The following RCC2 variants were observed in gnomAD, a reference collection of about 807,000 sequenced individuals.
The protein encoded by RCC2 is regulator of chromosome condensation 2, also known as protein RCC2.
RCC2 carries 19 observed loss-of-function variants against 64.1 expected under a neutral mutation model. That is an observed-to-expected ratio of 0.30 (90% CI 0.21 to 0.44). The LOEUF is 0.44. Ranked by LOEUF, RCC2 falls within the 20% of genes least tolerant of loss-of-function variation. The pLI is 1.00. For missense variants in RCC2, 508 were observed against 710.4 expected, an observed-to-expected ratio of 0.72 and a Z score of 3.24; for synonymous variants, 325 against 279.6, an observed-to-expected ratio of 1.16 and a Z score of -1.62.
At chr1:17,419,302 T>C (rs1290771031) in intron 7 of RCC2, among the ~76,000 whole-genome samples, 4 of 152,132 alleles carry the variant, frequency 2.6e-5, no homozygotes, top group East Asian at 1.9e-4. Context: ...GAGGTTGCAG[T>C]GAACTGAGAT....
intron 7 of RCC2, among the ~76,000 whole-genome samples, chr1:17,419,695 T>C (rs2075529696): frequency 6.6e-6 from 1 of 152,182 alleles, no homozygotes; most frequent in Admixed American, 6.5e-5. Flanking sequence ...CAGCATGTCA[T>C]GCTTCCTGAC....
Position 17,438,236 on chromosome 1 carries a change from C to T in RCC2, c.279G>A (p.Glu93=). 2 of 1,315,392 alleles carry T rather than the reference C, an allele frequency of 1.5e-6. No individual in the cohort carries two copies. Among genetic ancestry groups the T allele is most frequent in the Non-Finnish European group, 2.0e-6 (2 of 1,013,848 alleles). The allele number at this position is 1,315,392 out of a possible 1,614,324, so 81.5% of individuals were successfully genotyped here. Residue 93 remains glutamate (E), a synonymous_variant, in exon 2 of 13, where the codon GAG becomes GAA. Transcript: ENST00000375436. The part of the protein sequence containing the change: ...VVITEPEHTK[E]RVKLEGSKCK... ...TACCCTGACCCTCACTCACGACGCG[C>T]TCCTTGGTGTGCTCGGGTTCGGTGA...
intron 1 of RCC2, 173 bp from the exon 2 acceptor site, chr1:17,438,695 T>G: frequency 1.8e-6 from 1 of 558,720 alleles, no homozygotes; most frequent in Non-Finnish European, 2.6e-6. Context: ...CGCCCCTCCC[T>G]GGCCCCGGCG....
At chr1:17,420,015 G>C (rs2075537237) in intron 7 of RCC2, among the ~76,000 whole-genome samples, 1 of 152,210 alleles carries the variant, frequency 6.6e-6, no homozygotes, top group African/African-American at 2.4e-5. Context: ...GCAGGAGCGC[G>C]CGCGGCCAGC....
rs372028881 is a variant in RCC2, at chr1:17,438,817, A to G, written c.-8-295T>C. Among the ~76,000 whole-genome samples the G allele has an allele frequency of 1.5e-4, 23 of 152,256 alleles. No individual in the cohort carries two copies. The East Asian group carries it at 3.5e-3, about 23-fold the overall frequency. The stretch of plus-strand genomic sequence containing the variant: ...AAGTTAGGTTTGCCCACAAAGCATC[A>G]CAGTTGCAACCTCGCCCCCCAAAAG... On this transcript the variant is annotated intron_variant, in intron 1 of 12. Coordinates refer to ENST00000375436, the MANE Select transcript of RCC2 (RefSeq NM_018715.4).
rs2075378644 is a variant in RCC2, at chr1:17,407,812, ATATC to A, written c.*1274_*1277del. On this transcript the variant is annotated 3_prime_UTR_variant, in exon 13 of 13. Transcript: ENST00000375436. ...TCCCCCATAAGCACCACTGAACTAA[ATATC>A]TATTTTAAAGCACCCAAACCAGTCC... is the stretch of plus-strand genomic sequence containing the variant. The A allele has an allele frequency of 6.6e-6, 1 of 152,606 alleles. No homozygotes were observed. The highest frequency in any genetic ancestry group is 1.5e-5 in the Non-Finnish European group (1 of 68,038). The allele number at this position is 152,606 out of a possible 1,614,324, so 9.5% of individuals were successfully genotyped here.
rs113570955 is a variant in RCC2, at chr1:17,413,318, C to T, written c.1208-140G>A. The T allele has an allele frequency of 3.7e-3, 3,051 of 832,140 alleles. 63 individuals carry two copies. The African/African-American group carries it at 0.045, about 12-fold the overall frequency. The allele number at this position is 832,140 out of a possible 1,614,324, so 51.5% of individuals were successfully genotyped here. On this transcript the variant is annotated intron_variant, in intron 9 of 12. Coordinates refer to ENST00000375436, the MANE Select transcript of RCC2 (RefSeq NM_018715.4). Reference sequence around the variant, plus strand: ...AGATAACTGGAGCCAGGCGTGGTGGCGTGCCTGTGCAGTCCTAGCTACTCA... The same window carrying T: ...AGATAACTGGAGCCAGGCGTGGTGGTGTGCCTGTGCAGTCCTAGCTACTCA...
chr1:17,431,516 A>AAG (rs2075681171), intron 2 of RCC2, among the ~76,000 whole-genome samples: 1 of 145,362 alleles, frequency 6.9e-6, no homozygotes, highest in Middle Eastern at 3.6e-3. Flanking sequence ...AAAAAAAAAA[A>AAG]AAAAAGAAAG....
rs527875441 is a variant in RCC2 at position 17,407,016 on chromosome 1, C to G, written c.*2074G>C. The G allele has an allele frequency of 6.6e-6, 1 of 152,138 alleles. No individual in the cohort carries two copies. Among genetic ancestry groups the G allele is most frequent in the Admixed American group, 6.5e-5 (1 of 15,272 alleles). 9.4% of individuals were successfully genotyped at this position (152,138 alleles called of 1,614,324 possible). On this transcript the variant is annotated 3_prime_UTR_variant, in exon 13 of 13. Transcript: ENST00000375436. The stretch of plus-strand genomic sequence containing the variant: ...ACCTTTCTCTAGGAGTGCACGACAC[C>G]CTTCCCCCACAACTCCTTGTTTTAA...
chr1:17,414,589 T>C (rs1439405567), intron 8 of RCC2, among the ~76,000 whole-genome samples: 2 of 150,604 alleles, frequency 1.3e-5, no homozygotes, highest in Non-Finnish European at 3.0e-5. Context: ...ACAGATTCAA[T>C]TGCAGAAAGA....
intron 2 of RCC2, among the ~76,000 whole-genome samples, chr1:17,429,614 G>A (rs903053199): frequency 2.6e-5 from 4 of 152,138 alleles, no homozygotes; most frequent in Non-Finnish European, 4.4e-5. Flanking sequence ...CACGGCCTGC[G>A]ACCTCAAACC....
At chr1:17,433,033 CACATAT>C (rs1234188757) in intron 2 of RCC2, among the ~76,000 whole-genome samples, 1 of 152,136 alleles carries the variant, frequency 6.6e-6, no homozygotes, top group East Asian at 1.9e-4. Flanking sequence ...CACACACACA[CACATAT>C]ACATACGTGT....
intron 12 of RCC2, among the ~76,000 whole-genome samples, chr1:17,409,454 G>C (rs986795667): frequency 5.9e-5 from 9 of 152,222 alleles, no homozygotes; most frequent in Non-Finnish European, 1.2e-4. Context: ...TATCAGCAGG[G>C]ACAGGTGGGG....
In RCC2 at chr1:17,422,809, T is replaced by TGAGA. The variant is rs2075569769; in HGVS notation, c.550_551insTCTC (p.His184LeufsTer4). 6.2e-7 allele frequency: 1 copy of TGAGA among 1,613,902 alleles called. No individual in the cohort carries two copies. Among genetic ancestry groups the TGAGA allele is most frequent in the Non-Finnish European group, 8.5e-7 (1 of 1,180,006 alleles). On this transcript the variant is annotated frameshift_variant, in exon 5 of 13. Transcript: ENST00000375436. LOFTEE classifies it high-confidence loss of function. The stretch of plus-strand genomic sequence containing the variant: ...GGCTTCTACTCTCTTGGTGTCACCA[T>TGAGA]GTCCCAGCTGCCCCTTCTCATTTCG...
chr1:17,410,616 A>G (rs2075414229), intron 11 of RCC2, among the ~76,000 whole-genome samples: 2 of 152,178 alleles, frequency 1.3e-5, no homozygotes, highest in African/African-American at 2.4e-5. Flanking sequence ...AAAGGTGTGG[A>G]GCTGGGCAAT....
At chr1:17,419,576 A>C (rs1044427203) in intron 7 of RCC2, among the ~76,000 whole-genome samples, 17 of 152,224 alleles carry the variant, frequency 1.1e-4, no homozygotes, top group African/African-American at 3.9e-4. Context: ...TTTCCAAACT[A>C]CCTGCAAGTT....
chr1:17,417,454 A>C (rs1411812492), intron 7 of RCC2, among the ~76,000 whole-genome samples: 2 of 152,172 alleles, frequency 1.3e-5, no homozygotes, highest in East Asian at 3.9e-4. Context: ...GATCACCTGA[A>C]GTGAGGTGTT....
At position 17,416,736 on chromosome 1, in the gene RCC2, C is replaced by A. The variant is rs192728325; in HGVS notation, c.860-90G>T. On this transcript the variant is annotated intron_variant, in intron 7 of 12. Coordinates refer to ENST00000375436, the MANE Select transcript of RCC2 (RefSeq NM_018715.4). ...ACACGGACTCTGTAGTGAGCCCCGG[C>A]AGCACCCCAATCTGGCCCTTCTGGG... is the stretch of plus-strand genomic sequence containing the variant. 6 of 1,373,034 alleles carry A rather than the reference C, an allele frequency of 4.4e-6. No homozygotes were observed. The East Asian group carries it at 1.5e-4, about 33-fold the overall frequency. 85.1% of individuals were successfully genotyped at this position (1,373,034 alleles called of 1,614,324 possible).
At chr1:17,414,489 C>T (rs907160643) in intron 8 of RCC2, among the ~76,000 whole-genome samples, 5 of 143,012 alleles carry the variant, frequency 3.5e-5, no homozygotes, top group African/African-American at 1.3e-4. Context: ...GAGATAGCGT[C>T]ACTGCACTCC....
Sources: gnomAD v4.1 joint callset for allele counts (sites outside exome capture counted in the v4.1 genomes callset) on GRCh38, gnomAD v4.1.1 for gene constraint, MANE v1.5 for transcripts, NCBI Gene and HGNC (gene_info 2026-07-23, HGNC 2026-07-21) for gene names.